The following NDUFC2 variants were observed in gnomAD, a reference collection of about 807,000 sequenced individuals.
NDUFC2 encodes NADH dehydrogenase [ubiquinone] 1 subunit C2.
A neutral mutation model predicts 10.1 loss-of-function variants in NDUFC2; 2 were observed. The ratio of observed to expected loss-of-function variants is 0.20; its 90% CI spans 0.08 to 0.62. The LOEUF (loss-of-function observed/expected upper bound fraction) is 0.62, where lower values mean the gene tolerates loss of function less well. Among genes scored for constraint, NDUFC2 ranks in the 20% least tolerant of loss-of-function variants. NDUFC2 has a pLI of 0.87. For synonymous variants in NDUFC2, 61 were observed against 63.6 expected, an observed-to-expected ratio of 0.96 and a Z score of 0.20; for missense variants, 156 against 159.6, an observed-to-expected ratio of 0.98 and a Z score of 0.12.
chr11:78,074,950 C>T (rs920453131), intron 1 of NDUFC2, among the ~76,000 whole-genome samples: 2 of 152,174 alleles, frequency 1.3e-5, no homozygotes, highest in Non-Finnish European at 2.9e-5. Context: ...CATCCTAGCC[C>T]TAAAGGCATG....
intron 1 of NDUFC2, among the ~76,000 whole-genome samples, chr11:78,078,704 C>G (rs1859354622): frequency 8.8e-6 from 1 of 114,246 alleles, no homozygotes; most frequent in African/African-American, 2.9e-5. Flanking sequence ...AAGTTCCTCC[C>G]CAGACCTCAT....
In NDUFC2 at chr11:78,079,812, T is replaced by A. The variant is rs1412498979; in HGVS notation, c.-68A>T. 9 of 1,524,628 alleles carry A rather than the reference T, an allele frequency of 5.9e-6. No homozygotes were observed. The highest frequency in any genetic ancestry group is 7.9e-6 in the Non-Finnish European group (9 of 1,138,788). 94.4% of individuals were successfully genotyped at this position (1,524,628 alleles called of 1,614,324 possible). A position where few individuals can be genotyped will look rare whatever the true frequency, so the allele number is the denominator to read the frequency against. The stretch of plus-strand genomic sequence containing the variant: ...CTACAAGGAAAACCACGACGACCAC[T>A]ACCCCGGCCTAAGCGGTCAGCTTTC... On this transcript the variant is annotated 5_prime_UTR_variant, in exon 1 of 3. Coordinates refer to ENST00000281031, the MANE Select transcript of NDUFC2 (RefSeq NM_004549.6).
chr11:78,075,421 T>C (rs1859205841), intron 1 of NDUFC2, among the ~76,000 whole-genome samples: 1 of 152,148 alleles, frequency 6.6e-6, no homozygotes, highest in Non-Finnish European at 1.5e-5. Flanking sequence ...TTGCCCCAGT[T>C]TCAACATTAC....
chr11:78,072,822 G>C, intron 2 of NDUFC2, 176 bp downstream of exon 2: 1 of 901,570 alleles, frequency 1.1e-6, no homozygotes, highest in Non-Finnish European at 1.6e-6. Context: ...GCTGTCCAAA[G>C]GACACGGAGG....
intron 1 of NDUFC2, among the ~76,000 whole-genome samples, chr11:78,076,483 C>A (rs547914350): frequency 6.6e-6 from 1 of 152,322 alleles, no homozygotes; most frequent in Non-Finnish European, 1.5e-5. Context: ...ATATTAGACA[C>A]TGAGCTAGAT....
chr11:78,068,816 T>C lies in NDUFC2; in HGVS notation c.*1171A>G, dbSNP rs1236718768. On this transcript the variant is annotated 3_prime_UTR_variant, in exon 3 of 3. Transcript: ENST00000281031. ...AAAAAAAAAAATACCACATATACTT[T>C]ATCTCCAAAACCTAATCTGATTATA... The C allele has an allele frequency of 6.6e-6, 1 of 151,738 alleles. No individual in the cohort carries two copies. The highest frequency in any genetic ancestry group is 2.4e-5 in the African/African-American group (1 of 41,320). 9.4% of individuals were successfully genotyped at this position (151,738 alleles called of 1,614,324 possible).
At position 78,069,576 on chromosome 11, in the gene NDUFC2, G is replaced by A. The variant is rs981222047; in HGVS notation, c.*411C>T. ...GGACAGGGGCAGGCAAACCTTTTCT[G>A]AAAGGGCTACATATTAATTAGGCTT... On this transcript the variant is annotated 3_prime_UTR_variant, in exon 3 of 3. Coordinates refer to ENST00000281031, the MANE Select transcript of NDUFC2 (RefSeq NM_004549.6). The A allele has an allele frequency of 1.1e-5, 4 of 358,148 alleles. No homozygotes were observed. The highest frequency in any genetic ancestry group is 8.5e-5 in the African/African-American group (4 of 47,082). The allele number at this position is 358,148 out of a possible 1,614,324, so 22.2% of individuals were successfully genotyped here.
chr11:78,073,836 C>A (rs1590781411), intron 1 of NDUFC2, among the ~76,000 whole-genome samples: 10 of 132,066 alleles, frequency 7.6e-5, no homozygotes, highest in Admixed American at 7.7e-5. Flanking sequence ...CTATTCTGAA[C>A]AAACCGCCTT....
intron 2 of NDUFC2, among the ~76,000 whole-genome samples, chr11:78,071,584 GTAGT>G (rs1295039879): frequency 6.6e-6 from 1 of 152,132 alleles, no homozygotes; most frequent in Non-Finnish European, 1.5e-5. Flanking sequence ...AACTGTCGTA[GTAGT>G]TAAACTCCCA....
chr11:78,073,198 A>G, intron 1 of NDUFC2, 57 bp from the exon 2 acceptor site: 1 of 1,607,624 alleles, frequency 6.2e-7, no homozygotes, highest in South Asian at 1.1e-5. Flanking sequence ...GTGTATTAAG[A>G]GTTACATTTT....
At position 78,079,856 on chromosome 11, in the gene NDUFC2, C is replaced by A; in HGVS notation, c.-112G>T. 7.0e-7 allele frequency: 1 copy of A among 1,425,606 alleles called. No individual in the cohort carries two copies. The highest frequency in any genetic ancestry group is 2.8e-5 in the East Asian group (1 of 36,148). The allele number at this position is 1,425,606 out of a possible 1,614,324, so 88.3% of individuals were successfully genotyped here. A position where few individuals can be genotyped will look rare whatever the true frequency, so the allele number is the denominator to read the frequency against. On this transcript the variant is annotated 5_prime_UTR_variant, in exon 1 of 3. Transcript: ENST00000281031. ...AGCTTTCTCCTCCTCCTCTGCGCGCCGGACTCACGGGCACGGCGCAGCGCG... is the reference window on the plus strand; with the variant it reads ...AGCTTTCTCCTCCTCCTCTGCGCGCAGGACTCACGGGCACGGCGCAGCGCG...
At chr11:78,073,867 C>CCTA (rs1859130711) in intron 1 of NDUFC2, among the ~76,000 whole-genome samples, 1 of 150,798 alleles carries the variant, frequency 6.6e-6, no homozygotes, top group Non-Finnish European at 1.5e-5. Flanking sequence ...TTTGAGACAC[C>CCTA]CTACATATTC....
rs919909395 is a variant in NDUFC2, at chr11:78,079,825, G to A, written c.-81C>T. ...CACGACGACCACTACCCCGGCCTAA[G>A]CGGTCAGCTTTCTCCTCCTCCTCTG... is the stretch of plus-strand genomic sequence containing the variant. On this transcript the variant is annotated 5_prime_UTR_variant, in exon 1 of 3. Coordinates refer to ENST00000281031, the MANE Select transcript of NDUFC2 (RefSeq NM_004549.6). 1.7e-5 allele frequency: 26 copies of A among 1,491,858 alleles called. No homozygotes were observed. In the African/African-American group the frequency reaches 3.3e-4, roughly 19 times the overall value. The allele number at this position is 1,491,858 out of a possible 1,614,324, so 92.4% of individuals were successfully genotyped here. A position where few individuals can be genotyped will look rare whatever the true frequency, so the allele number is the denominator to read the frequency against.
chr11:78,076,950 T>A (rs770895571), intron 1 of NDUFC2, among the ~76,000 whole-genome samples: 41 of 152,188 alleles, frequency 2.7e-4, no homozygotes, highest in Non-Finnish European at 4.3e-4. Flanking sequence ...GTTTACCTGT[T>A]TGTCTCCCTG....
In NDUFC2 at chr11:78,078,728, C is replaced by T. The variant is rs74797556; in HGVS notation, c.166+851G>A. Among the ~76,000 whole-genome samples, 78 of 61,614 alleles carry T rather than the reference C, an allele frequency of 1.3e-3. 2 individuals are homozygous for T. Among genetic ancestry groups the T allele is most frequent in the Admixed American group, 1.8e-3 (7 of 3,912 alleles). The allele number at this position is 61,614 out of a possible 152,430, so 40.4% of individuals were successfully genotyped here. ...CCCAGACCTCATGAATCAGGATCCG[C>T]TTTTTTTTTTTTTTTGAGACAGGGT... On this transcript the variant is annotated intron_variant, in intron 1 of 2. Coordinates refer to ENST00000281031, the MANE Select transcript of NDUFC2 (RefSeq NM_004549.6).
At chr11:78,077,946 A>T (rs1044484868) in intron 1 of NDUFC2, among the ~76,000 whole-genome samples, 1 of 152,188 alleles carries the variant, frequency 6.6e-6, no homozygotes, top group Non-Finnish European at 1.5e-5. Flanking sequence ...GGTGATGAAA[A>T]GGGAAAACCT....
At chr11:78,074,553 C>T (rs1859159845) in intron 1 of NDUFC2, among the ~76,000 whole-genome samples, 1 of 151,282 alleles carries the variant, frequency 6.6e-6, no homozygotes, top group South Asian at 2.1e-4. Flanking sequence ...GTGGAGATTG[C>T]AGTGAGCCAA....
Sources: allele counts gnomAD v4.1 joint callset (sites outside exome capture counted in the v4.1 genomes callset), GRCh38; gene constraint gnomAD v4.1.1; transcripts MANE v1.5; gene names NCBI Gene and HGNC (gene_info 2026-07-23, HGNC 2026-07-21).